Variants in ANKRD26 observed in about 807,000 individuals in gnomAD.
The protein encoded by ANKRD26 is ankyrin repeat domain-containing protein 26.
Under a neutral mutation model 208.7 loss-of-function variants are expected in ANKRD26, and 141 were observed. The observed-to-expected ratio is 0.68, with a 90% CI of 0.59 to 0.78. The LOEUF is 0.78. ANKRD26 is among the 30% of genes least tolerant of loss of function. ANKRD26 has a pLI of 0.00. For synonymous variants in ANKRD26, 636 were observed against 660.4 expected (o/e 0.96, Z 0.57); for missense variants, 1,889 against 1,938.7 (o/e 0.97, Z 0.48).
At chr10:27,043,297 G>A in intron 20 of ANKRD26, 129 bp downstream of exon 20, 1 of 991,252 alleles carries the variant, frequency 1.0e-6, no homozygotes, top group Non-Finnish European at 1.6e-6. Context: ...CTTCAGCTTT[G>A]CACAGTGGCA....
chr10:27,034,145 G>A (rs180964536), intron 24 of ANKRD26, among the ~76,000 whole-genome samples: 1 of 152,188 alleles, frequency 6.6e-6, no homozygotes, highest in African/African-American at 2.4e-5. Context: ...AGTCAAATAT[G>A]GTTGCTAAAA....
chr10:27,062,758 C>T (rs1403495654), intron 12 of ANKRD26, among the ~76,000 whole-genome samples: 1 of 150,850 alleles, frequency 6.6e-6, no homozygotes, highest in Non-Finnish European at 1.5e-5. Flanking sequence ...TGAAGTAACA[C>T]TTTCTTTCTT....
chr10:27,090,780 T>A (rs539461975), intron 4 of ANKRD26, among the ~76,000 whole-genome samples: 49 of 152,276 alleles, frequency 3.2e-4, no homozygotes, highest in African/African-American at 1.1e-3. Flanking sequence ...ATAAGAGCTA[T>A]CTGCAGGCTT....
At chr10:27,028,721 C>G (rs2053763007) in intron 27 of ANKRD26, 131 bp downstream of exon 27, 1 of 743,966 alleles carries the variant, frequency 1.3e-6, no homozygotes, top group African/African-American at 1.8e-5. Flanking sequence ...TACAAATATT[C>G]CAAAATAAAA....
chr10:27,006,691 GT>G (rs1554771555), intron 33 of ANKRD26, among the ~76,000 whole-genome samples: 1 of 152,152 alleles, frequency 6.6e-6, no homozygotes, highest in South Asian at 2.1e-4. Flanking sequence ...GATTTCTTGA[GT>G]TTTTTTAAAG....
chr10:26,971,686 A>AG (rs1329852510), downstream of ANKRD26, among the ~76,000 whole-genome samples: 12 of 151,724 alleles, frequency 7.9e-5, no homozygotes, highest in Non-Finnish European at 1.3e-4. Flanking sequence ...AAAAAAAAAA[A>AG]AAAAAAAGAA....
At chr10:27,081,087 C>A (rs2055890234) in intron 6 of ANKRD26, 5 of 320,636 alleles carry the variant, frequency 1.6e-5, no homozygotes, top group Non-Finnish European at 2.2e-5. Context: ...AGACTCTTCC[C>A]AGTGGCTCAA....
At chr10:27,056,315 T>C (rs960497864) in intron 15 of ANKRD26, among the ~76,000 whole-genome samples, 9 of 151,872 alleles carry the variant, frequency 5.9e-5, no homozygotes, top group Non-Finnish European at 1.3e-4. Flanking sequence ...GCAGCTGGGA[T>C]TACAGGCGCC....
intron 3 of ANKRD26, among the ~76,000 whole-genome samples, chr10:26,984,926 G>A (rs1285539976): frequency 6.6e-6 from 1 of 152,094 alleles, no homozygotes; most frequent in African/African-American, 2.4e-5. Flanking sequence ...GTTGAAGTAC[G>A]AGGAAAATTT....
At chr10:27,011,301 GGCTGGAGTGCGGCT>G (rs1759462655) in intron 32 of ANKRD26, among the ~76,000 whole-genome samples, 1 of 152,130 alleles carries the variant, frequency 6.6e-6, no homozygotes, top group South Asian at 2.1e-4. Flanking sequence ...ATGCTGCCCA[GGCTGGAGTGCGGCT>G]GCTATTCACA....
At chr10:27,046,694 C>T (rs955598180) in intron 17 of ANKRD26, among the ~76,000 whole-genome samples, 171 bp from the exon 18 acceptor site, 2 of 151,998 alleles carry the variant, frequency 1.3e-5, no homozygotes, top group Non-Finnish European at 2.9e-5. Flanking sequence ...TCCAACATTT[C>T]CCCCATCTCA....
the ANKRD26 span, among the ~76,000 whole-genome samples, chr10:26,957,387 C>CA: frequency 6.6e-6 from 1 of 151,764 alleles, no homozygotes; most frequent in Non-Finnish European, 1.5e-5. Flanking sequence ...GACCCTGTCT[C>CA]AAAAAATAAA....
intron 16 of ANKRD26, among the ~76,000 whole-genome samples, chr10:27,049,854 G>A (rs1391474465): frequency 6.6e-6 from 1 of 152,162 alleles, no homozygotes; most frequent in Non-Finnish European, 1.5e-5. Context: ...TTAATCAGAT[G>A]AATTAAGTGT....
At chr10:26,984,142 A>G (rs1000269061) in intron 3 of ANKRD26, among the ~76,000 whole-genome samples, 2 of 152,196 alleles carry the variant, frequency 1.3e-5, no homozygotes, top group Non-Finnish European at 2.9e-5. Flanking sequence ...CTGCAAAGAC[A>G]CTAAATCAGA....
At chr10:27,010,500 G>T (rs544642618) in intron 32 of ANKRD26, among the ~76,000 whole-genome samples, 1 of 152,080 alleles carries the variant, frequency 6.6e-6, no homozygotes, top group Admixed American at 6.6e-5. Context: ...TTTTGTTATT[G>T]TTTTGGATTT....
chr10:27,022,899 T>C (rs994431473), intron 28 of ANKRD26, among the ~76,000 whole-genome samples: 1 of 152,198 alleles, frequency 6.6e-6, no homozygotes, highest in African/African-American at 2.4e-5. Flanking sequence ...ATATGGCAGA[T>C]AAAGAGTTAA....
downstream of ANKRD26, among the ~76,000 whole-genome samples, chr10:27,003,937 A>T (rs1453863717): frequency 1.3e-5 from 2 of 152,224 alleles, no homozygotes; most frequent in African/African-American, 4.8e-5. Flanking sequence ...CTCGGCTATC[A>T]AGGATATTTT....
chr10:27,065,666 T>C lies in ANKRD26; in HGVS notation c.1269+821A>G, dbSNP rs557988959. On this transcript the variant is annotated intron_variant, in intron 11 of 33. Transcript: ENST00000376087. ...TCCTGAAATGTTCCCTGCAGATCTATACAAATATATATTAATACTTTAAAG... is the reference window on the plus strand; with the variant it reads ...TCCTGAAATGTTCCCTGCAGATCTACACAAATATATATTAATACTTTAAAG... Among the ~76,000 whole-genome samples the C allele has an allele frequency of 4.7e-5, 7 of 149,844 alleles. 1 individual carries two copies. The highest frequency in any genetic ancestry group is 1.7e-4 in the African/African-American group (7 of 41,096).
chr10:27,017,809 A>C lies in ANKRD26; in HGVS notation c.4216-17T>G. ...ATCATCAATCTGAATGAAGACAATA[A>C]TATAGTGTAATAATGAAGGAAGTAG... On this transcript the variant is annotated splice_polypyrimidine_tract_variant and intron_variant, in intron 29 of 33. Coordinates refer to ENST00000376087, the MANE Select transcript of ANKRD26 (RefSeq NM_014915.3). 1 of 1,606,226 alleles carries C rather than the reference A, an allele frequency of 6.2e-7. No homozygotes were observed. Among genetic ancestry groups the C allele is most frequent in the Non-Finnish European group, 8.5e-7 (1 of 1,177,808 alleles).
Sources: allele counts gnomAD v4.1 joint callset (sites outside exome capture counted in the v4.1 genomes callset), GRCh38; gene constraint gnomAD v4.1.1; transcripts MANE v1.5; gene names NCBI Gene and HGNC (gene_info 2026-07-23, HGNC 2026-07-21).